The following DOCK8 variants were observed in gnomAD, a reference collection of about 807,000 sequenced individuals.
DOCK8 encodes dedicator of cytokinesis 8, also known as dedicator of cytokinesis protein 8.
DOCK8 carries 141 observed loss-of-function variants against 245.6 expected under a neutral mutation model. The observed-to-expected ratio is 0.57, with a 90% CI of 0.50 to 0.66. DOCK8 has a LOEUF of 0.66. Among genes scored for constraint, DOCK8 ranks in the 30% least tolerant of loss-of-function variants. DOCK8 has a pLI of 0.00. For missense variants in DOCK8, 2,965 were observed against 2,603.4 expected (o/e 1.14, Z -3.02); for synonymous variants, 1,168 against 970.2 (o/e 1.20, Z -3.79).
chr9:344,838 G>A (rs1423934576), intron 14 of DOCK8, among the ~76,000 whole-genome samples: 1 of 152,060 alleles, frequency 6.6e-6, no homozygotes, highest in East Asian at 1.9e-4. Context: ...ACCTGAGTGA[G>A]GTCAAGAGTT....
In DOCK8 at chr9:429,753, C is replaced by G; in HGVS notation, c.4525C>G (p.His1509Asp). The G allele has an allele frequency of 6.2e-7, 1 of 1,614,196 alleles. No individual in the cohort carries two copies. The highest frequency in any genetic ancestry group is 8.5e-7 in the Non-Finnish European group (1 of 1,180,034). The change falls in exon 36 of 48, where the codon CAC becomes GAC. Residue 1509 changes from histidine (H) to aspartate (D), a missense_variant. Around this residue, in one of 3 missense-constraint regions of DOCK8, gnomAD observed 2,825 missense variants for 2,453.5 expected, o/e 1.15. Coordinates refer to ENST00000432829, the MANE Select transcript of DOCK8 (RefSeq NM_203447.4). ...GGTGGAACAGTGTTTCGACCTATGT[C>G]ACCAAGTCCTGCACCACTGCAGCAG... ...EEVEQCFDLC[H>D]QVLHHCSSSM...
In DOCK8 at chr9:315,262, A is replaced by G. The variant is rs996667246; in HGVS notation, c.742-1781A>G. The stretch of plus-strand genomic sequence containing the variant: ...TCTCTTTCATTCCGTTCATTTATAT[A>G]TATTTTTAGGATGATGAAAACAAGA... On this transcript the variant is annotated intron_variant, in intron 6 of 47. Coordinates refer to ENST00000432829, the MANE Select transcript of DOCK8 (RefSeq NM_203447.4). Among the ~76,000 whole-genome samples the G allele has an allele frequency of 2.6e-5, 4 of 152,276 alleles. No individual in the cohort carries two copies. In the South Asian group the frequency reaches 8.3e-4, roughly 32 times the overall value.
chr9:311,869 A>T, intron 5 of DOCK8, 85 bp from the exon 6 acceptor site: 1 of 1,526,138 alleles, frequency 6.6e-7, no homozygotes, highest in Non-Finnish European at 9.0e-7. Context: ...CCCAAATTGG[A>T]GCAGTCTTGA....
rs573667518 is a variant in DOCK8, at chr9:234,852, G to A, written c.53+19823G>A. Among the ~76,000 whole-genome samples, 9 of 151,762 alleles carry A rather than the reference G, an allele frequency of 5.9e-5. No individual in the cohort carries two copies. The South Asian group carries it at 6.3e-4, about 11-fold the overall frequency. ...TTGCCATTGGTTTGAATTTCCTCCTGTAGCTCAGAGTAGTTTGATCGTCTG... is the reference window on the plus strand; with the variant it reads ...TTGCCATTGGTTTGAATTTCCTCCTATAGCTCAGAGTAGTTTGATCGTCTG... On this transcript the variant is annotated intron_variant, in intron 1 of 47. Transcript: ENST00000432829.
intron 1 of DOCK8, among the ~76,000 whole-genome samples, chr9:269,611 A>G (rs980428051): frequency 3.7e-4 from 52 of 141,624 alleles, no homozygotes; most frequent in African/African-American, 1.3e-3. Context: ...GCTGGAGTGC[A>G]GTGGAGCAAT....
At chr9:395,313 A>T (rs576773879) in intron 24 of DOCK8, among the ~76,000 whole-genome samples, 28 of 152,120 alleles carry the variant, frequency 1.8e-4, no homozygotes, top group African/African-American at 6.3e-4. Flanking sequence ...GAAACACATA[A>T]AGCCTGTGTC....
At position 417,280 on chromosome 9, in the gene DOCK8, C is replaced by T. The variant is rs184783487; in HGVS notation, c.3701-788C>T. ...CCTGGATGATAGTGTGAGACTTTGT[C>T]TAAAAATAAATAAATAAATAAATAA... On this transcript the variant is annotated intron_variant, in intron 29 of 47. Coordinates refer to ENST00000432829, the MANE Select transcript of DOCK8 (RefSeq NM_203447.4). Among the ~76,000 whole-genome samples, 18 of 152,168 alleles carry T rather than the reference C, an allele frequency of 1.2e-4. No homozygotes were observed. The East Asian group carries it at 3.1e-3, about 26-fold the overall frequency.
intron 46 of DOCK8, among the ~76,000 whole-genome samples, chr9:462,368 A>T (rs1426537430): frequency 6.6e-6 from 1 of 152,228 alleles, no homozygotes; most frequent in Admixed American, 6.5e-5. Context: ...CCATTTCTCA[A>T]TATGACTTTC....
intron 45 of DOCK8, among the ~76,000 whole-genome samples, chr9:450,696 G>C (rs2057399812): frequency 6.6e-6 from 1 of 151,950 alleles, no homozygotes; most frequent in African/African-American, 2.4e-5. Context: ...AAACAGAGAA[G>C]AGAAATGCCT....
At position 386,439 on chromosome 9, in the gene DOCK8, G is replaced by C. The variant is rs757730164; in HGVS notation, c.2874+13G>C. On this transcript the variant is annotated intron_variant, in intron 23 of 47. Coordinates refer to ENST00000432829, the MANE Select transcript of DOCK8 (RefSeq NM_203447.4). ...AGCCAGCAAAAAGGTACTGAAGAGA[G>C]CAATGTGAGGTTCATCCCAGGATAA... The C allele has an allele frequency of 6.2e-7, 1 of 1,607,840 alleles. No individual in the cohort carries two copies. Among genetic ancestry groups the C allele is most frequent in the South Asian group, 1.1e-5 (1 of 90,894 alleles).
At chr9:256,802 C>A (rs1460329961) in intron 1 of DOCK8, among the ~76,000 whole-genome samples, 2 of 149,510 alleles carry the variant, frequency 1.3e-5, no homozygotes, top group Non-Finnish European at 2.9e-5. Flanking sequence ...ATAGAAGCTT[C>A]ATGAGGGCAG....
At chr9:385,130 G>A (rs1280059797) in intron 22 of DOCK8, among the ~76,000 whole-genome samples, 1 of 152,036 alleles carries the variant, frequency 6.6e-6, no homozygotes, top group Admixed American at 6.6e-5. Flanking sequence ...TTTTGAAACA[G>A]ACATTGTTAA....
chr9:416,754 AACGATGTCTACCTTTTAGGTTT>A (rs1187990037), intron 29 of DOCK8, among the ~76,000 whole-genome samples: 1 of 152,216 alleles, frequency 6.6e-6, no homozygotes, highest in Non-Finnish European at 1.5e-5. Flanking sequence ...AAAATGTGAT[AACGATGTCTACCTTTTAGGTTT>A]ACGATAAAGG....
At chr9:264,902 C>T (rs1307619087) in intron 1 of DOCK8, among the ~76,000 whole-genome samples, 1 of 152,162 alleles carries the variant, frequency 6.6e-6, no homozygotes, top group Non-Finnish European at 1.5e-5. Context: ...AGTTTTTCTA[C>T]ATGCAACAAA....
At chr9:233,996 G>C (rs919779132) in intron 1 of DOCK8, among the ~76,000 whole-genome samples, 4 of 152,094 alleles carry the variant, frequency 2.6e-5, no homozygotes, top group Admixed American at 2.6e-4. Context: ...TAGCTTGGAT[G>C]GTCTTTACAA....
chr9:416,276 T>A (rs565739285), intron 29 of DOCK8, among the ~76,000 whole-genome samples: 2 of 152,130 alleles, frequency 1.3e-5, no homozygotes, highest in Non-Finnish European at 2.9e-5. Flanking sequence ...TTTACAGACA[T>A]AATGCAGAGC....
At chr9:336,128 A>T (rs2051298031) in intron 11 of DOCK8, among the ~76,000 whole-genome samples, 1 of 152,228 alleles carries the variant, frequency 6.6e-6, no homozygotes, top group South Asian at 2.1e-4. Flanking sequence ...GAATGCTGGG[A>T]TTCAGAGTGT....
At chr9:345,998 G>A (rs1302526706) in intron 14 of DOCK8, among the ~76,000 whole-genome samples, 2 of 152,030 alleles carry the variant, frequency 1.3e-5, no homozygotes, top group Non-Finnish European at 2.9e-5. Context: ...GGAATGACCA[G>A]GGGCTCCCAA....
chr9:378,519 T>C (rs1331656028), intron 20 of DOCK8, among the ~76,000 whole-genome samples: 1 of 152,252 alleles, frequency 6.6e-6, no homozygotes, highest in Non-Finnish European at 1.5e-5. Context: ...AAACGTCCTG[T>C]GTTGGAGGCT....
Sources: allele counts gnomAD v4.1 joint callset (sites outside exome capture counted in the v4.1 genomes callset), GRCh38; gene constraint gnomAD v4.1.1; regional missense constraint gnomAD v4.1.1; transcripts MANE v1.5; gene names NCBI Gene and HGNC (gene_info 2026-07-23, HGNC 2026-07-21).